The following GRID2 variants were observed in gnomAD, a reference collection of about 807,000 sequenced individuals.
GRID2 encodes glutamate ionotropic receptor delta type subunit 2, also known as glutamate receptor ionotropic, delta-2.
GRID2 carries 33 observed loss-of-function variants against 114.8 expected under a neutral mutation model. The ratio of observed to expected loss-of-function variants is 0.29; its 90% CI spans 0.22 to 0.38. The LOEUF (loss-of-function observed/expected upper bound fraction) is 0.38, where lower values mean the gene tolerates loss of function less well. GRID2 is among the 10% of genes least tolerant of loss of function. GRID2 has a pLI of 1.00. For synonymous variants in GRID2, 505 were observed against 449.9 expected, an observed-to-expected ratio of 1.12 and a Z score of -1.55; for missense variants, 1,184 against 1,257.7, an observed-to-expected ratio of 0.94 and a Z score of 0.89.
chr4:92,546,483 T>C (rs1468174309), intron 1 of GRID2, among the ~76,000 whole-genome samples: 1 of 152,202 alleles, frequency 6.6e-6, no homozygotes, highest in East Asian at 1.9e-4. Flanking sequence ...TTTCACCACG[T>C]GACCTTATGT....
At chr4:93,168,063 G>C (rs1408514902) in intron 4 of GRID2, among the ~76,000 whole-genome samples, 1 of 152,034 alleles carries the variant, frequency 6.6e-6, no homozygotes, top group Admixed American at 6.6e-5. Flanking sequence ...AGGTGTAGTG[G>C]TGCACTCTTG....
intron 1 of GRID2, among the ~76,000 whole-genome samples, chr4:92,313,645 A>C (rs1434199303): frequency 6.6e-6 from 1 of 151,998 alleles, no homozygotes; most frequent in African/African-American, 2.4e-5. Context: ...CCTGGGAGAC[A>C]GGAGGAAAAC....
At chr4:92,435,542 A>G (rs983918246) in intron 1 of GRID2, among the ~76,000 whole-genome samples, 1 of 152,220 alleles carries the variant, frequency 6.6e-6, no homozygotes, top group African/African-American at 2.4e-5. Flanking sequence ...TCTGGAATAC[A>G]ATAAACCAGA....
At chr4:93,215,225 C>CAAA (rs557409406) in intron 5 of GRID2, among the ~76,000 whole-genome samples, 9 of 147,638 alleles carry the variant, frequency 6.1e-5, no homozygotes, top group African/African-American at 2.2e-4. Flanking sequence ...ATTGCTAAAG[C>CAAA]AAAAAAAAAT....
intron 2 of GRID2, among the ~76,000 whole-genome samples, chr4:92,734,698 A>G (rs1327226111): frequency 6.6e-6 from 1 of 151,864 alleles, no homozygotes; most frequent in Non-Finnish European, 1.5e-5. Context: ...TTTTCTCTTC[A>G]TCTTCATCTT....
intron 2 of GRID2, among the ~76,000 whole-genome samples, chr4:92,594,241 A>C (rs547531655): frequency 6.6e-6 from 1 of 151,998 alleles, no homozygotes; most frequent in African/African-American, 2.4e-5. Context: ...GACTCAAAAA[A>C]GTAGCAGATT....
intron 1 of GRID2, among the ~76,000 whole-genome samples, chr4:92,432,197 G>A (rs969941582): frequency 1.3e-5 from 2 of 152,090 alleles, no homozygotes; most frequent in African/African-American, 2.4e-5. Flanking sequence ...CATACCTAAA[G>A]CCAACACAGT....
chr4:93,562,791 T>C (rs1578267950), intron 13 of GRID2, among the ~76,000 whole-genome samples: 4 of 152,194 alleles, frequency 2.6e-5, no homozygotes, highest in Admixed American at 2.6e-4. Flanking sequence ...GAAAAGACTA[T>C]CTTTTCTCTA....
At chr4:93,210,293 T>G (rs1169133098) in intron 5 of GRID2, among the ~76,000 whole-genome samples, 1 of 152,170 alleles carries the variant, frequency 6.6e-6, no homozygotes, top group Non-Finnish European at 1.5e-5. Context: ...GTTTCAATCT[T>G]CTGCATATGG....
chr4:92,944,390 C>G (rs571179083), intron 2 of GRID2, among the ~76,000 whole-genome samples: 2 of 152,224 alleles, frequency 1.3e-5, no homozygotes, highest in African/African-American at 2.4e-5. Flanking sequence ...TGGATATAAT[C>G]TCCTGGTGTC....
chr4:93,743,911 G>A (rs1269664150), intron 14 of GRID2, among the ~76,000 whole-genome samples: 1 of 152,086 alleles, frequency 6.6e-6, no homozygotes, highest in Non-Finnish European at 1.5e-5. Context: ...AGCTTCAAAG[G>A]ACAGCCTATC....
chr4:93,550,620 C>G (rs1284082087), intron 13 of GRID2, among the ~76,000 whole-genome samples: 4 of 152,130 alleles, frequency 2.6e-5, no homozygotes, highest in African/African-American at 7.2e-5. Flanking sequence ...TATTCACTAG[C>G]CTAATATTCC....
intron 13 of GRID2, among the ~76,000 whole-genome samples, chr4:93,537,128 A>G (rs1472446695): frequency 6.6e-6 from 1 of 151,666 alleles, no homozygotes; most frequent in Non-Finnish European, 1.5e-5. Flanking sequence ...GACTTGAAAA[A>G]GTTTGCTTTT....
At chr4:92,919,152 C>G (rs553034088) in intron 2 of GRID2, among the ~76,000 whole-genome samples, 7 of 152,050 alleles carry the variant, frequency 4.6e-5, no homozygotes, top group African/African-American at 1.7e-4. Flanking sequence ...GGTGTTTATA[C>G]TATTCTCTGA....
At chr4:92,882,244 C>T (rs1438990036) in intron 2 of GRID2, among the ~76,000 whole-genome samples, 1 of 152,130 alleles carries the variant, frequency 6.6e-6, no homozygotes, top group Non-Finnish European at 1.5e-5. Context: ...GTGAACGCTG[C>T]AATATGGTTT....
At chr4:93,421,741 A>G (rs1768306158) in intron 9 of GRID2, among the ~76,000 whole-genome samples, 3 of 152,138 alleles carry the variant, frequency 2.0e-5, no homozygotes, top group South Asian at 2.1e-4. Flanking sequence ...CAATATTCCT[A>G]TAACAGGTGC....
chr4:93,330,601 C>T lies in GRID2; in HGVS notation c.1246-65006C>T, dbSNP rs114668922. Among the ~76,000 whole-genome samples the T allele has an allele frequency of 2.3e-3, 345 of 151,940 alleles. 3 individuals carry two copies. Among genetic ancestry groups the T allele is most frequent in the African/African-American group, 7.9e-3 (328 of 41,466 alleles). On this transcript the variant is annotated intron_variant, in intron 8 of 15. Transcript: ENST00000282020. Reference sequence around the variant, plus strand: ...AAATAGAAATTTACAAAATAAAAACCAAGAGTCCTACCTCAGTTCTACCCT... The same window carrying T: ...AAATAGAAATTTACAAAATAAAAACTAAGAGTCCTACCTCAGTTCTACCCT...
chr4:93,247,096 G>C (rs889845795), intron 8 of GRID2, among the ~76,000 whole-genome samples: 2 of 152,168 alleles, frequency 1.3e-5, no homozygotes, highest in Admixed American at 6.5e-5. Context: ...CTCTTCTGGT[G>C]GTTGGGATCA....
chr4:92,923,050 A>G (rs903440366), intron 2 of GRID2, among the ~76,000 whole-genome samples: 1 of 152,188 alleles, frequency 6.6e-6, no homozygotes, highest in African/African-American at 2.4e-5. Context: ...ATTATACCTC[A>G]ATAAAAAAGT....
Sources: allele counts gnomAD v4.1 joint callset (sites outside exome capture counted in the v4.1 genomes callset), GRCh38; gene constraint gnomAD v4.1.1; transcripts MANE v1.5; gene names NCBI Gene and HGNC (gene_info 2026-07-23, HGNC 2026-07-21).